Variants in ELOVL4 observed in about 807,000 individuals in gnomAD.
ELOVL4 encodes ELOVL fatty acid elongase 4, also known as very long chain fatty acid elongase 4.
ELOVL4 carries 18 observed loss-of-function variants against 42.1 expected under a neutral mutation model. The observed-to-expected ratio is 0.43, with a 90% CI of 0.30 to 0.63. The LOEUF (loss-of-function observed/expected upper bound fraction) is 0.63, where lower values mean the gene tolerates loss of function less well. Ranked by LOEUF, ELOVL4 falls within the 30% of genes least tolerant of loss-of-function variation. The pLI, the probability that ELOVL4 is intolerant of heterozygous loss-of-function variation, is 0.15. For missense variants in ELOVL4, 299 were observed against 376.2 expected, an observed-to-expected ratio of 0.79 and a Z score of 1.70; for synonymous variants, 117 against 127.0, an observed-to-expected ratio of 0.92 and a Z score of 0.53.
chr6:79,922,743 A>G (rs1774279457), intron 3 of ELOVL4, among the ~76,000 whole-genome samples: 1 of 152,200 alleles, frequency 6.6e-6, no homozygotes, highest in African/African-American at 2.4e-5. Flanking sequence ...TTTGCATTTT[A>G]TACCTGCACC....
chr6:79,937,568 G>A (rs9448863), intron 1 of ELOVL4, among the ~76,000 whole-genome samples: 23,013 of 151,970 alleles, frequency 0.15, 1,953 homozygotes, highest in South Asian at 0.36. Context: ...TGGAATATGA[G>A]GACTAAATGT....
chr6:79,926,348 G>C lies in ELOVL4; in HGVS notation c.134C>G (p.Ser45Cys), dbSNP rs1488892121. 1.9e-6 allele frequency: 3 copies of C among 1,613,852 alleles called. No individual in the cohort carries two copies. Among genetic ancestry groups the C allele is most frequent in the African/African-American group, 1.3e-5 (1 of 74,896 alleles). The change falls in exon 2 of 6, where the codon TCT (serine) becomes TGT (cysteine). Residue 45 changes from serine (S) to cysteine (C), a missense_variant. Transcript: ENST00000369816. ...GCTTATACTTAGTGTAGGCCAAGGA[G>C]ACTGCATCAGAGGCCAATTTTCCAC... The part of the protein sequence containing the change: ...KRVENWPLMQ[S>C]PWPTLSISTL...
intron 1 of ELOVL4, among the ~76,000 whole-genome samples, chr6:79,938,555 T>A (rs1460521263): frequency 6.6e-6 from 1 of 152,182 alleles, no homozygotes; most frequent in African/African-American, 2.4e-5. Flanking sequence ...TTGAATACAC[T>A]TTTTTTAAAC....
Position 79,916,002 on chromosome 6 carries a change from C to A in ELOVL4, c.*606G>T, listed in dbSNP as rs907879501. 1.3e-5 allele frequency: 2 copies of A among 152,846 alleles called. No individual in the cohort carries two copies. The highest frequency in any genetic ancestry group is 4.8e-5 in the African/African-American group (2 of 41,398). 9.5% of individuals were successfully genotyped at this position (152,846 alleles called of 1,614,324 possible). On this transcript the variant is annotated 3_prime_UTR_variant, in exon 6 of 6. Transcript: ENST00000369816. ...TACTGCAATTCTTTCTTATTTTCAC[C>A]AACACCATCATCATCAAGCCTCTAA...
Position 79,916,057 on chromosome 6 carries a change from ATT to A in ELOVL4, c.*549_*550del, listed in dbSNP as rs1450350522. On this transcript the variant is annotated 3_prime_UTR_variant, in exon 6 of 6. Coordinates refer to ENST00000369816, the MANE Select transcript of ELOVL4 (RefSeq NM_022726.4). ...CTACAGAGATCAGCAGATTTTAAAA[ATT>A]TAATTACAACCAAAATTATACTCTG... The A allele has an allele frequency of 6.4e-6, 1 of 155,274 alleles. No homozygotes were observed. The highest frequency in any genetic ancestry group is 1.4e-5 in the Non-Finnish European group (1 of 69,802). 9.6% of individuals were successfully genotyped at this position (155,274 alleles called of 1,614,324 possible). A position where few individuals can be genotyped will look rare whatever the true frequency, so the allele number is the denominator to read the frequency against.
intron 1 of ELOVL4, among the ~76,000 whole-genome samples, chr6:79,938,409 T>C (rs984378596): frequency 6.6e-6 from 1 of 152,186 alleles, no homozygotes; most frequent in Admixed American, 6.5e-5. Context: ...AAATCTTCCC[T>C]TGACTCTAAC....
At chr6:79,934,853 A>C (rs1774516984) in intron 1 of ELOVL4, among the ~76,000 whole-genome samples, 1 of 152,202 alleles carries the variant, frequency 6.6e-6, no homozygotes, top group South Asian at 2.1e-4. Flanking sequence ...TCAACCACTA[A>C]ATCCTCCTCT....
At chr6:79,929,680 A>G (rs1308753704) in intron 1 of ELOVL4, among the ~76,000 whole-genome samples, 5 of 152,226 alleles carry the variant, frequency 3.3e-5, no homozygotes, top group Admixed American at 3.3e-4. Context: ...GAAAATTGTT[A>G]CTTTTAAAAA....
chr6:79,940,002 A>G (rs1051883437), intron 1 of ELOVL4, among the ~76,000 whole-genome samples: 24 of 152,192 alleles, frequency 1.6e-4, no homozygotes, highest in Non-Finnish European at 2.8e-4. Flanking sequence ...CATTTATCCA[A>G]CACTGGACAT....
chr6:79,930,452 G>A (rs1222342976), intron 1 of ELOVL4, among the ~76,000 whole-genome samples: 1 of 152,094 alleles, frequency 6.6e-6, no homozygotes, highest in African/African-American at 2.4e-5. Flanking sequence ...ATTCCTCCAT[G>A]TCTTTACATG....
intron 1 of ELOVL4, among the ~76,000 whole-genome samples, chr6:79,938,465 G>A (rs1480201971): frequency 6.6e-6 from 1 of 152,184 alleles, no homozygotes; most frequent in African/African-American, 2.4e-5. Context: ...GGTTAGTCCT[G>A]AATGAATTTC....
In ELOVL4 at chr6:79,937,544, G is replaced by A. The variant is rs1048296600; in HGVS notation, c.100+9636C>T. Among the ~76,000 whole-genome samples, 6 of 152,120 alleles carry A rather than the reference G, an allele frequency of 3.9e-5. No homozygotes were observed. In the East Asian group the frequency reaches 7.8e-4, roughly 20 times the overall value. Reference sequence around the variant, plus strand: ...TCACCTGGAAAATGGGGATAATAACGGTACCGAGCCCAATGGAATATGAGG... The same window carrying A: ...TCACCTGGAAAATGGGGATAATAACAGTACCGAGCCCAATGGAATATGAGG... On this transcript the variant is annotated intron_variant, in intron 1 of 5. Coordinates refer to ENST00000369816, the MANE Select transcript of ELOVL4 (RefSeq NM_022726.4).
intron 1 of ELOVL4, among the ~76,000 whole-genome samples, chr6:79,937,483 T>C (rs1774564470): frequency 6.6e-6 from 1 of 152,238 alleles, no homozygotes; most frequent in Middle Eastern, 3.4e-3. Context: ...ACAGGGTTAG[T>C]ATTAGATGAA....
At chr6:79,934,652 G>A (rs1181723730) in intron 1 of ELOVL4, among the ~76,000 whole-genome samples, 1 of 152,034 alleles carries the variant, frequency 6.6e-6, no homozygotes, top group Non-Finnish European at 1.5e-5. Context: ...TTCTGAATAT[G>A]GACTCTCAAA....
At chr6:79,946,793 G>A (rs1774750074) in intron 1 of ELOVL4, among the ~76,000 whole-genome samples, 3 of 152,088 alleles carry the variant, frequency 2.0e-5, no homozygotes, top group Admixed American at 6.5e-5. Context: ...TACAAAATAG[G>A]ACTAAATGTT....
intron 1 of ELOVL4, among the ~76,000 whole-genome samples, chr6:79,939,084 A>G (rs2127701840): frequency 6.6e-6 from 1 of 152,354 alleles, no homozygotes; most frequent in Non-Finnish European, 1.5e-5. Flanking sequence ...ATACAAAGCT[A>G]AAGTTTTCTT....
At chr6:79,919,757 T>C (rs1469235114) in intron 4 of ELOVL4, among the ~76,000 whole-genome samples, 1 of 152,232 alleles carries the variant, frequency 6.6e-6, no homozygotes. Flanking sequence ...GGTTTTACCA[T>C]ATAAATAAAA....
At chr6:79,926,879 A>C (rs1323401498) in intron 1 of ELOVL4, among the ~76,000 whole-genome samples, 1 of 152,178 alleles carries the variant, frequency 6.6e-6, no homozygotes, top group Non-Finnish European at 1.5e-5. Flanking sequence ...GAGACACTGA[A>C]GACAAGAGTA....
chr6:79,931,260 T>A (rs1774438713), intron 1 of ELOVL4, among the ~76,000 whole-genome samples: 1 of 152,184 alleles, frequency 6.6e-6, no homozygotes, highest in African/African-American at 2.4e-5. Context: ...TATTAACCAT[T>A]TTAAGCCTTT....
Sources: allele counts gnomAD v4.1 joint callset (sites outside exome capture counted in the v4.1 genomes callset), GRCh38; gene constraint gnomAD v4.1.1; transcripts MANE v1.5; gene names NCBI Gene and HGNC (gene_info 2026-07-23, HGNC 2026-07-21).